DGKI: variants seen among roughly 807,000 people sequenced by gnomAD.
DGKI encodes diacylglycerol kinase iota.
DGKI carries 55 observed loss-of-function variants against 147.5 expected under a neutral mutation model. That is an observed-to-expected ratio of 0.37 (90% CI 0.30 to 0.47). The LOEUF (loss-of-function observed/expected upper bound fraction) is 0.47. DGKI is among the 20% of genes least tolerant of loss of function. The probability of loss-of-function intolerance (pLI) is 1.00; values close to 1 mark genes in which losing one functional copy is unlikely to be tolerated. For missense variants in DGKI, 1,007 were observed against 1,323.8 expected (o/e 0.76, Z 3.71); for synonymous variants, 469 against 477.1 (o/e 0.98, Z 0.22).
chr7:137,505,918 AC>A (rs1816351098), intron 21 of DGKI, among the ~76,000 whole-genome samples: 1 of 151,882 alleles, frequency 6.6e-6, no homozygotes, highest in African/African-American at 2.4e-5. Flanking sequence ...ACCACTACAC[AC>A]CTAATAGAAT....
At chr7:137,587,066 G>GAT (rs1458983827) in intron 13 of DGKI, 31 bp downstream of exon 13, 1 of 1,476,008 alleles carries the variant, frequency 6.8e-7, no homozygotes. Context: ...GTTGTTTGAT[G>GAT]ATATGGGCAG....
chr7:137,513,741 T>A, intron 21 of DGKI: 1 of 478,422 alleles, frequency 2.1e-6, no homozygotes, highest in Non-Finnish European at 4.0e-6. Flanking sequence ...TGCAGGCAAT[T>A]GTAACACAAT....
At position 137,469,571 on chromosome 7, in the gene DGKI, G is replaced by C; in HGVS notation, c.2422C>G (p.Pro808Ala). The change falls in exon 24 of 33, where the codon CCT becomes GCT. Residue 808 changes from proline (P) to alanine (A), a missense_variant. Transcript: ENST00000614521. ...TCACCATCTAGGAAGCACCACCGAGGAGAGAGCCTCTGTGCTGAGAGAGCC... is the reference window on the plus strand; with the variant it reads ...TCACCATCTAGGAAGCACCACCGAGCAGAGAGCCTCTGTGCTGAGAGAGCC... ...PRALSAQRLS[P>A]RWCFLDATSA... The C allele has an allele frequency of 6.2e-7, 1 of 1,614,024 alleles. No homozygotes were observed. The highest frequency in any genetic ancestry group is 8.5e-7 in the Non-Finnish European group (1 of 1,179,960).
Position 137,388,648 on chromosome 7 carries a change from A to T in DGKI, c.*2572T>A, listed in dbSNP as rs1424739562. ...TTTCCAAAGCCCAGGACCAATTTTT[A>T]AAACATGCTACAGGAGGTGGTTTAA... On this transcript the variant is annotated 3_prime_UTR_variant, in exon 33 of 33. Coordinates refer to ENST00000614521, the MANE Select transcript of DGKI (RefSeq NM_001321708.2). 2 of 152,172 alleles carry T rather than the reference A, an allele frequency of 1.3e-5. No homozygotes were observed. Among genetic ancestry groups the T allele is most frequent in the Admixed American group, 1.3e-4 (2 of 15,264 alleles). 9.4% of individuals were successfully genotyped at this position (152,172 alleles called of 1,614,324 possible).
intron 10 of DGKI, among the ~76,000 whole-genome samples, chr7:137,604,759 A>G (rs1277535334): frequency 6.6e-5 from 10 of 152,206 alleles, no homozygotes. Flanking sequence ...TGGAAGAGAA[A>G]GTCATGAGAG....
chr7:137,493,286 T>C (rs1429898790), intron 21 of DGKI, among the ~76,000 whole-genome samples: 4 of 152,102 alleles, frequency 2.6e-5, no homozygotes, highest in Non-Finnish European at 5.9e-5. Context: ...GCACCCACTA[T>C]TACTGCCACT....
chr7:137,442,656 A>G (rs961874809), intron 28 of DGKI, among the ~76,000 whole-genome samples: 1 of 152,214 alleles, frequency 6.6e-6, no homozygotes, highest in Non-Finnish European at 1.5e-5. Context: ...ATGGGCCTGA[A>G]CATAATTTTC....
chr7:137,477,619 T>C (rs1170249138), intron 23 of DGKI, among the ~76,000 whole-genome samples: 1 of 152,194 alleles, frequency 6.6e-6, no homozygotes, highest in Admixed American at 6.5e-5. Flanking sequence ...ATGTATAGTG[T>C]GCACATGCAA....
intron 32 of DGKI, among the ~76,000 whole-genome samples, chr7:137,393,152 T>C (rs1436763014): frequency 6.6e-6 from 1 of 152,138 alleles, no homozygotes; most frequent in Non-Finnish European, 1.5e-5. Flanking sequence ...ATTTTTTGCT[T>C]TTTGGAGCAT....
chr7:137,549,044 G>T (rs1441389063), intron 20 of DGKI, among the ~76,000 whole-genome samples: 1 of 152,144 alleles, frequency 6.6e-6, no homozygotes, highest in African/African-American at 2.4e-5. Context: ...GACTAACACA[G>T]GTGTATAGAA....
rs1032432411 is a variant in DGKI at position 137,388,541 on chromosome 7, C to T, written c.*2679G>A. On this transcript the variant is annotated 3_prime_UTR_variant, in exon 33 of 33. Transcript: ENST00000614521. The stretch of plus-strand genomic sequence containing the variant: ...GGCACTTCAGACCAGGACTAGATCA[C>T]TTGCTTTCCTGATGTCCTAATAGTA... 27 of 152,156 alleles carry T rather than the reference C, an allele frequency of 1.8e-4. No individual in the cohort carries two copies. The highest frequency in any genetic ancestry group is 1.5e-5 in the Non-Finnish European group (1 of 68,032). 9.4% of individuals were successfully genotyped at this position (152,156 alleles called of 1,614,324 possible). A position where few individuals can be genotyped will look rare whatever the true frequency, so the allele number is the denominator to read the frequency against.
At chr7:137,541,471 A>C (rs1343678908) in intron 20 of DGKI, among the ~76,000 whole-genome samples, 2 of 152,250 alleles carry the variant, frequency 1.3e-5, no homozygotes. Context: ...TAAGCAATCT[A>C]GAGATGATTT....
At position 137,846,161 on chromosome 7, in the gene DGKI, T is replaced by TCTCTCTCTCTCTCTCTCA. The variant is rs781580130; in HGVS notation, c.401+300_401+301insTGAGAGAGAGAGAGAGAG. On this transcript the variant is annotated intron_variant, in intron 1 of 32. Transcript: ENST00000614521. The surrounding 1 kb of genome is among the most constrained non-coding windows in gnomAD (Gnocchi z 4.0). ...CTCTCTCTCTCTCTCTCTCTCTCTCTCACACACACACACACACACACACAC... is the reference window on the plus strand; with the variant it reads ...CTCTCTCTCTCTCTCTCTCTCTCTCTCTCTCTCTCTCTCTCTCACACACACACACACACACACACACAC... 9.2e-4 allele frequency among the ~76,000 whole-genome samples: 100 copies of TCTCTCTCTCTCTCTCTCA among 108,200 alleles called. No homozygotes were observed. The highest frequency in any genetic ancestry group is 2.4e-3 in the Admixed American group (22 of 9,278). 71.0% of individuals were successfully genotyped at this position (108,200 alleles called of 152,430 possible). A position where few individuals can be genotyped will look rare whatever the true frequency, so the allele number is the denominator to read the frequency against.
chr7:137,797,645 A>G (rs951629090), intron 1 of DGKI, among the ~76,000 whole-genome samples: 3 of 152,150 alleles, frequency 2.0e-5, no homozygotes, highest in African/African-American at 7.2e-5. Flanking sequence ...AATCCTCAGA[A>G]AAAAGCAGTA....
At chr7:137,428,353 G>A (rs538874099) in intron 28 of DGKI, among the ~76,000 whole-genome samples, 3 of 152,030 alleles carry the variant, frequency 2.0e-5, no homozygotes, top group Admixed American at 6.6e-5. Context: ...ATTCAACAAC[G>A]CTTCATGCTA....
chr7:137,519,618 C>T (rs1816895528), intron 21 of DGKI, among the ~76,000 whole-genome samples: 1 of 152,010 alleles, frequency 6.6e-6, no homozygotes, highest in Non-Finnish European at 1.5e-5. Flanking sequence ...TTTATTTTGG[C>T]ATGCACCTCA....
At chr7:137,548,187 C>T (rs752173968) in intron 20 of DGKI, among the ~76,000 whole-genome samples, 62 of 152,254 alleles carry the variant, frequency 4.1e-4, no homozygotes, top group Non-Finnish European at 4.0e-4. Flanking sequence ...AGGTAGCTCA[C>T]GTGACTTTTG....
At chr7:137,719,953 C>G (rs1171433252) in intron 1 of DGKI, among the ~76,000 whole-genome samples, 1 of 152,084 alleles carries the variant, frequency 6.6e-6, no homozygotes, top group Non-Finnish European at 1.5e-5. Flanking sequence ...GAAGCCTGAC[C>G]CCTCTCAAAA....
chr7:137,770,230 A>T (rs779864261), intron 1 of DGKI, among the ~76,000 whole-genome samples: 2 of 151,370 alleles, frequency 1.3e-5, no homozygotes, highest in Non-Finnish European at 2.9e-5. Flanking sequence ...AAAACCAAAC[A>T]CTGCATGTTC....
Sources: allele counts gnomAD v4.1 joint callset (sites outside exome capture counted in the v4.1 genomes callset), GRCh38; gene constraint gnomAD v4.1.1; non-coding constraint Gnocchi (gnomAD v3.1); transcripts MANE v1.5; gene names NCBI Gene and HGNC (gene_info 2026-07-23, HGNC 2026-07-21).